Variants in ITIH3 observed in about 807,000 individuals in gnomAD.
ITIH3 encodes the protein inter-alpha-trypsin inhibitor heavy chain 3.
ITIH3 carries 81 observed loss-of-function variants against 96.5 expected under a neutral mutation model. That is an observed-to-expected ratio of 0.84 (90% CI 0.70 to 1.01). ITIH3 has a LOEUF of 1.01. Among genes scored for constraint, ITIH3 ranks in the 50% least tolerant of loss-of-function variants. The probability of loss-of-function intolerance (pLI) is 0.00; values close to 1 mark genes in which losing one functional copy is unlikely to be tolerated. For missense variants in ITIH3, 1,057 were observed against 1,139.3 expected, an observed-to-expected ratio of 0.93 and a Z score of 1.04; for synonymous variants, 422 against 445.2, an observed-to-expected ratio of 0.95 and a Z score of 0.66.
intron 15 of ITIH3, chr3:52,805,226 C>A (rs765548332): frequency 1.1e-6 from 1 of 900,920 alleles, no homozygotes; most frequent in Non-Finnish European, 1.3e-6. Context: ...CCTCTCTCAC[C>A]ACAAAACTGG....
At chr3:52,805,201 T>C (rs1331864591) in intron 15 of ITIH3, 5 of 682,958 alleles carry the variant, frequency 7.3e-6, no homozygotes, top group South Asian at 5.7e-5. Flanking sequence ...TTGCTGGGGA[T>C]CACAGTCCTC....
At position 52,807,886 on chromosome 3, in the gene ITIH3, C is replaced by T. The variant is rs778090412; in HGVS notation, c.2401C>T (p.Arg801Trp). ...FLGFYVVDSH[R>W]MSAQTHGLLG... The stretch of plus-strand genomic sequence containing the variant: ...AGGCTTCTACGTGGTGGACAGTCAC[C>T]GGATGTCAGCACAGACGCATGGGCT... The change falls in exon 20 of 22, where the codon CGG (arginine) becomes TGG (tryptophan). Residue 801 changes from arginine to tryptophan, a missense_variant. Transcript: ENST00000449956. The T allele has an allele frequency of 2.8e-5, 45 of 1,612,460 alleles. No individual in the cohort carries two copies. The South Asian group carries it at 4.2e-4, about 15-fold the overall frequency.
At position 52,799,010 on chromosome 3, in the gene ITIH3, C is replaced by G; in HGVS notation, c.708C>G (p.Cys236Trp). Reference protein sequence around the residue: ...FKPSLDQQRSCPTCTDSLLNG... With the variant: ...FKPSLDQQRSWPTCTDSLLNG... ...CCAGCTTAGACCAACAGCGTTCATG[C>G]CCAACCTGTACAGACTCCCTCCTCA... Residue 236 changes from cysteine (C) to tryptophan (W), a missense_variant, in exon 7 of 22, where the codon TGC (cysteine) becomes TGG (tryptophan). Coordinates refer to ENST00000449956, the MANE Select transcript of ITIH3 (RefSeq NM_002217.4). The G allele has an allele frequency of 6.2e-7, 1 of 1,613,502 alleles. No individual in the cohort carries two copies. Among genetic ancestry groups the G allele is most frequent in the Non-Finnish European group, 8.5e-7 (1 of 1,179,660 alleles).
Position 52,799,098 on chromosome 3 carries a change from G to A in ITIH3, c.789+7G>A, listed in dbSNP as rs756035123. On this transcript the variant is annotated splice_region_variant and intron_variant, in intron 7 of 21. Transcript: ENST00000449956. The stretch of plus-strand genomic sequence containing the variant: ...ATCTCCTGGCAACGTGCAGGTACCC[G>A]GGCTGGCTGATTCATCATCAGGGTG... 2.2e-5 allele frequency: 36 copies of A among 1,612,922 alleles called. No individual in the cohort carries two copies. Among genetic ancestry groups the A allele is most frequent in the Non-Finnish European group, 2.8e-5 (33 of 1,179,604 alleles).
At chr3:52,797,443 G>A (rs1448684320) in intron 5 of ITIH3, among the ~76,000 whole-genome samples, 176 bp downstream of exon 5, 3 of 152,218 alleles carry the variant, frequency 2.0e-5, no homozygotes, top group African/African-American at 7.2e-5. Context: ...GGGGCCAAGG[G>A]GAAGAGGCTG....
intron 13 of ITIH3, among the ~76,000 whole-genome samples, chr3:52,803,584 G>T (rs2154110096): frequency 6.6e-6 from 1 of 152,308 alleles, no homozygotes; most frequent in South Asian, 2.1e-4. Flanking sequence ...CTCCCAAAGT[G>T]CTGGGATTAC....
At chr3:52,800,225 G>A (rs901341308) in intron 9 of ITIH3, among the ~76,000 whole-genome samples, 23 of 152,046 alleles carry the variant, frequency 1.5e-4, no homozygotes, top group African/African-American at 5.6e-4. Context: ...ATGGCACGAT[G>A]TCTACACTGC....
intron 2 of ITIH3, chr3:52,795,838 G>C (rs1261901241): frequency 5.5e-6 from 3 of 550,310 alleles, no homozygotes; most frequent in Admixed American, 3.3e-5. Flanking sequence ...TAGCCCAAGA[G>C]GGCCCCTCAC....
At chr3:52,804,702 C>T (rs1699973522) in intron 14 of ITIH3, 24 bp from the exon 15 acceptor site, 1 of 1,576,996 alleles carries the variant, frequency 6.3e-7, no homozygotes, top group South Asian at 1.2e-5. Flanking sequence ...CATTTCTCTT[C>T]TTCCTCCCTT....
In ITIH3 at chr3:52,796,610, G is replaced by A. The variant is rs747249814; in HGVS notation, c.244G>A (p.Glu82Lys). Residue 82 changes from glutamate (E) to lysine (K), a missense_variant, in exon 3 of 22, where the codon GAG (glutamate) becomes AAG (lysine). By Grantham distance (56) the Glu-to-Lys change is moderately conservative. Transcript: ENST00000449956. ...GGCCAAGGAGGTTTCCTTTGATGTG[G>A]AGCTGCCCAAGACGGCCTTCATCAC... is the stretch of plus-strand genomic sequence containing the variant. The part of the protein sequence containing the change: ...DTAKEVSFDV[E>K]LPKTAFITNF... 1 of 1,613,306 alleles carries A rather than the reference G, an allele frequency of 6.2e-7. No individual in the cohort carries two copies. The highest frequency in any genetic ancestry group is 1.1e-5 in the South Asian group (1 of 90,892).
intron 4 of ITIH3, 118 bp downstream of exon 4, chr3:52,796,961 A>C: frequency 8.2e-7 from 1 of 1,223,562 alleles, no homozygotes; most frequent in Non-Finnish European, 1.1e-6. Flanking sequence ...TAATTTTGCC[A>C]TTATCCCACG....
In ITIH3 at chr3:52,804,712, T is replaced by G; in HGVS notation, c.1865-14T>G. The stretch of plus-strand genomic sequence containing the variant: ...TAATGCATTTCTCTTCTTCCTCCCT[T>G]GCTGCACCTGCAGATGCAGAAGGTA... On this transcript the variant is annotated splice_polypyrimidine_tract_variant and intron_variant, in intron 14 of 21. Coordinates refer to ENST00000449956, the MANE Select transcript of ITIH3 (RefSeq NM_002217.4). 6.3e-7 allele frequency: 1 copy of G among 1,582,196 alleles called. No individual in the cohort carries two copies. The highest frequency in any genetic ancestry group is 8.6e-7 in the Non-Finnish European group (1 of 1,162,858).
intron 16 of ITIH3, 58 bp downstream of exon 16, chr3:52,805,898 A>AT (rs1224036617): frequency 6.3e-7 from 1 of 1,595,016 alleles, no homozygotes; most frequent in East Asian, 2.2e-5. Flanking sequence ...CCCCTGCCAC[A>AT]TGTCCCTCCA....
Position 52,803,942 on chromosome 3 carries a change from C to G in ITIH3, c.1797C>G (p.Thr599=). ...SLKYHFVTPL[T]SMVVTKPEDN... is the part of the protein sequence containing the mutation. The stretch of plus-strand genomic sequence containing the variant: ...AGTATCACTTTGTGACTCCACTGAC[C>G]TCAATGGTGGTGACCAAGCCTGAGG... The change falls in exon 14 of 22, where the codon ACC becomes ACG. Residue 599 remains threonine (T), a synonymous_variant. Transcript: ENST00000449956. 1 of 1,613,904 alleles carries G rather than the reference C, an allele frequency of 6.2e-7. No homozygotes were observed. Among genetic ancestry groups the G allele is most frequent in the Non-Finnish European group, 8.5e-7 (1 of 1,179,868 alleles).
intron 5 of ITIH3, 95 bp downstream of exon 5, chr3:52,797,362 C>A: frequency 1.5e-6 from 2 of 1,295,756 alleles, no homozygotes; most frequent in Non-Finnish European, 2.1e-6. Context: ...AACAAAAGTT[C>A]TGCCTCACGG....
rs779306140 is a variant in ITIH3, at chr3:52,801,130, C to T, written c.1367C>T (p.Ala456Val). The T allele has an allele frequency of 1.9e-6, 3 of 1,579,662 alleles. No homozygotes were observed. In the African/African-American group the frequency reaches 4.1e-5, roughly 21 times the overall value. ...CGGCGCATTTATGAGGACTCTGATG[C>T]CGATTTGCAGTTGCAGGTATGCCTT... ...FARRIYEDSD[A>V]DLQLQGFYEE... The change falls in exon 11 of 22, where the codon GCC becomes GTC. Residue 456 changes from alanine (A) to valine (V), a missense_variant. Ala to Val is a moderately conservative substitution (Grantham distance 64). Transcript: ENST00000449956.
intron 11 of ITIH3, 28 bp from the exon 12 acceptor site, chr3:52,802,306 G>A (rs1039491079): frequency 6.2e-7 from 1 of 1,611,012 alleles, no homozygotes; most frequent in African/African-American, 1.3e-5. Flanking sequence ...CCTGGGGCTT[G>A]AGATGACTGG....
In ITIH3 at chr3:52,806,965, G is replaced by C; in HGVS notation, c.2121G>C (p.Lys707Asn). The C allele has an allele frequency of 6.3e-7, 1 of 1,594,594 alleles. No homozygotes were observed. Among genetic ancestry groups the C allele is most frequent in the Non-Finnish European group, 8.5e-7 (1 of 1,170,632 alleles). Reference protein sequence around the residue: ...KRGSPDSKTRKTYFGKLGIAN... With the variant: ...KRGSPDSKTRNTYFGKLGIAN... Reference sequence around the variant, plus strand: ...GCAGCCCTGACTCCAAGACCAGAAAGACTTACTTTGGAAAACTGGGCATCG... The same window carrying C: ...GCAGCCCTGACTCCAAGACCAGAAACACTTACTTTGGAAAACTGGGCATCG... Residue 707 changes from lysine (K) to asparagine (N), a missense_variant, in exon 19 of 22, where the codon AAG becomes AAC. Physicochemically the swap from Lys to Asn is moderately conservative, Grantham distance 94. Transcript: ENST00000449956.
chr3:52,801,051 A>C lies in ITIH3; in HGVS notation c.1288A>C (p.Asn430His). ...CTTGTATAACCTGGGCTTTGGCAACAATCTGAATTATAACTTCCTGGAGAA... is the reference window on the plus strand; with the variant it reads ...CTTGTATAACCTGGGCTTTGGCAACCATCTGAATTATAACTTCCTGGAGAA... ...FPLYNLGFGN[N>H]LNYNFLENMA... The change falls in exon 11 of 22, where the codon AAT (asparagine) becomes CAT (histidine). Residue 430 changes from asparagine (N) to histidine (H), a missense_variant. Coordinates refer to ENST00000449956, the MANE Select transcript of ITIH3 (RefSeq NM_002217.4). 1 of 1,613,742 alleles carries C rather than the reference A, an allele frequency of 6.2e-7. No homozygotes were observed. Among genetic ancestry groups the C allele is most frequent in the Non-Finnish European group, 8.5e-7 (1 of 1,179,788 alleles).
Sources: gnomAD v4.1 joint callset for allele counts (sites outside exome capture counted in the v4.1 genomes callset) on GRCh38, gnomAD v4.1.1 for gene constraint, MANE v1.5 for transcripts, NCBI Gene and HGNC (gene_info 2026-07-23, HGNC 2026-07-21) for gene names.